CDC42BPB: variants seen among roughly 807,000 people sequenced by gnomAD.
CDC42BPB encodes serine/threonine-protein kinase MRCK beta.
Under a neutral mutation model 214.9 loss-of-function variants are expected in CDC42BPB, and 37 were observed. The ratio of observed to expected loss-of-function variants is 0.17; its 90% CI spans 0.13 to 0.23. CDC42BPB has a LOEUF of 0.23. Ranked by LOEUF, CDC42BPB falls within the 10% of genes least tolerant of loss-of-function variation. The pLI, the probability that CDC42BPB is intolerant of heterozygous loss-of-function variation, is 1.00. For missense variants in CDC42BPB, 1,694 were observed against 2,227.0 expected, an observed-to-expected ratio of 0.76 and a Z score of 4.82; for synonymous variants, 931 against 884.0, an observed-to-expected ratio of 1.05 and a Z score of -0.94.
intron 1 of CDC42BPB, among the ~76,000 whole-genome samples, chr14:103,034,643 A>T (rs1887566590): frequency 6.6e-6 from 1 of 151,994 alleles, no homozygotes; most frequent in Admixed American, 6.6e-5. Context: ...ACATGGGGAA[A>T]CCCCATCTCT....
chr14:103,011,027 C>T (rs1566901619), intron 2 of CDC42BPB, among the ~76,000 whole-genome samples: 1 of 152,156 alleles, frequency 6.6e-6, no homozygotes, highest in African/African-American at 2.4e-5. Context: ...GAGACTCCAT[C>T]TCAAAAAACA....
Position 102,954,629 on chromosome 14 carries a change from C to T in CDC42BPB, c.2961G>A (p.Met987Ile), listed in dbSNP as rs1445844152. The T allele has an allele frequency of 1.9e-6, 3 of 1,613,880 alleles. No individual in the cohort carries two copies. Among genetic ancestry groups the T allele is most frequent in the African/African-American group, 1.3e-5 (1 of 74,920 alleles). The change falls in exon 22 of 37, where the codon ATG becomes ATA. Residue 987 changes from methionine (M) to isoleucine (I), a missense_variant. By Grantham distance (10) the Met-to-Ile change is conservative. Transcript: ENST00000361246. Reference protein sequence around the residue: ...QAPKPEASPSMSVAASEQQED... With the variant: ...QAPKPEASPSISVAASEQQED... ...CCTGCTGCTCTGATGCAGCCACAGA[C>T]ATCGACGGGGACGCTTCTGGCTTCG...
chr14:102,952,385 T>A (rs1031604256), intron 24 of CDC42BPB, 113 bp downstream of exon 24: 7 of 648,952 alleles, frequency 1.1e-5, no homozygotes, highest in Admixed American at 1.0e-4. Context: ...CCAATGACAT[T>A]TCACTTTAGT....
At chr14:102,981,047 T>C (rs1391533631) in intron 7 of CDC42BPB, 26 bp from the exon 8 acceptor site, 1 of 1,613,472 alleles carries the variant, frequency 6.2e-7, no homozygotes, top group Non-Finnish European at 8.5e-7. Flanking sequence ...AAAACACCGG[T>C]GGACAGGTGG....
chr14:102,986,432 C>A, intron 6 of CDC42BPB, 55 bp downstream of exon 6: 1 of 1,248,434 alleles, frequency 8.0e-7, no homozygotes. Context: ...AACTTCCCTT[C>A]TGACTATATG....
chr14:103,019,497 C>T (rs1886650680), intron 1 of CDC42BPB, among the ~76,000 whole-genome samples: 1 of 152,200 alleles, frequency 6.6e-6, no homozygotes, highest in African/African-American at 2.4e-5. Flanking sequence ...GGCTCTAAGG[C>T]AGGGTTGATC....
rs74082770 is a variant in CDC42BPB at position 103,045,484 on chromosome 14, T to C, written c.175+11515A>G. Among the ~76,000 whole-genome samples, 916 of 151,788 alleles carry C rather than the reference T, an allele frequency of 6.0e-3. 12 individuals carry two copies. Among genetic ancestry groups the C allele is most frequent in the African/African-American group, 0.021 (875 of 41,390 alleles). On this transcript the variant is annotated intron_variant, in intron 1 of 36. Coordinates refer to ENST00000361246, the MANE Select transcript of CDC42BPB (RefSeq NM_006035.4). Reference sequence around the variant, plus strand: ...TCCCAGCCCCGAGGAGCAGGCGCTGTCCAGCCACCCGAGGAGCAGGCGCTG... The same window carrying C: ...TCCCAGCCCCGAGGAGCAGGCGCTGCCCAGCCACCCGAGGAGCAGGCGCTG...
At chr14:103,052,962 C>T (rs927479184) in intron 1 of CDC42BPB, among the ~76,000 whole-genome samples, 1 of 152,222 alleles carries the variant, frequency 6.6e-6, no homozygotes, top group African/African-American at 2.4e-5. Context: ...ACTGGGTTGT[C>T]CGTATTTGTT....
rs1026302706 is a variant in CDC42BPB, at chr14:102,983,863, G to C, written c.691-107C>G. Reference sequence around the variant, plus strand: ...GGAGGCAGAAAATGAAATAATCATAGAATAAAACTGATGAATGATCGTGTT... The same window carrying C: ...GGAGGCAGAAAATGAAATAATCATACAATAAAACTGATGAATGATCGTGTT... On this transcript the variant is annotated intron_variant, in intron 6 of 36. Transcript: ENST00000361246. 4 of 1,472,628 alleles carry C rather than the reference G, an allele frequency of 2.7e-6. No individual in the cohort carries two copies. In the South Asian group the frequency reaches 4.1e-5, roughly 15 times the overall value. 91.2% of individuals were successfully genotyped at this position (1,472,628 alleles called of 1,614,324 possible). A position where few individuals can be genotyped will look rare whatever the true frequency, so the allele number is the denominator to read the frequency against.
chr14:103,024,251 C>T (rs1365969283), intron 1 of CDC42BPB, among the ~76,000 whole-genome samples: 1 of 152,160 alleles, frequency 6.6e-6, no homozygotes, highest in East Asian at 1.9e-4. Context: ...CAGAAAGGAG[C>T]CCCAATGCTC....
At chr14:103,048,530 T>TAAAAAA (rs1262301665) in intron 1 of CDC42BPB, among the ~76,000 whole-genome samples, 1 of 5,708 alleles carries the variant, frequency 1.8e-4, no homozygotes, top group Non-Finnish European at 4.2e-4. Flanking sequence ...CTACTAAAAA[T>TAAAAAA]ACAAAAAAAA....
chr14:102,934,054 A>G (rs1891520068), intron 36 of CDC42BPB: 7 of 1,325,294 alleles, frequency 5.3e-6, no homozygotes, highest in East Asian at 3.2e-5. Flanking sequence ...ATCCCACTCA[A>G]AAATAACATG....
chr14:102,946,222 A>G (rs921256700), intron 28 of CDC42BPB, among the ~76,000 whole-genome samples: 1 of 151,454 alleles, frequency 6.6e-6, no homozygotes, highest in East Asian at 1.9e-4. Context: ...ACAGGGTTTC[A>G]CCGTGTTAGC....
At chr14:102,934,747 C>T (rs1487202820) in intron 36 of CDC42BPB, among the ~76,000 whole-genome samples, 4 of 151,542 alleles carry the variant, frequency 2.6e-5, no homozygotes, top group Admixed American at 1.3e-4. Flanking sequence ...TGCGGTGGCT[C>T]ACACCTGTAA....
intron 5 of CDC42BPB, among the ~76,000 whole-genome samples, chr14:102,989,458 A>AT (rs1481365516): frequency 6.6e-6 from 1 of 152,248 alleles, no homozygotes; most frequent in African/African-American, 2.4e-5. Context: ...AAGGGTATTT[A>AT]TTTCTACATT....
At chr14:102,939,534 C>T in intron 34 of CDC42BPB, 76 bp downstream of exon 34, 1 of 1,087,298 alleles carries the variant, frequency 9.2e-7, no homozygotes, top group Non-Finnish European at 1.4e-6. Flanking sequence ...TTGGGACAGT[C>T]TCAGCCAGCA....
chr14:103,003,797 G>A (rs902546031), intron 4 of CDC42BPB, 131 bp downstream of exon 4: 11 of 584,294 alleles, frequency 1.9e-5, no homozygotes, highest in African/African-American at 1.5e-4. Flanking sequence ...AACAAGCCCC[G>A]CCGTTTTATC....
rs763654365 is a variant in CDC42BPB at position 102,976,052 on chromosome 14, G to A, written c.1221-3C>T. 4.4e-6 allele frequency: 7 copies of A among 1,606,934 alleles called. No individual in the cohort carries two copies. The highest frequency in any genetic ancestry group is 6.0e-6 in the Non-Finnish European group (7 of 1,174,510). On this transcript the variant is annotated splice_polypyrimidine_tract_variant and splice_region_variant and intron_variant, in intron 9 of 36. Transcript: ENST00000361246. ...GAGAGCCTCGATCAGAAAAACAGCT[G>A]GGAAACCAAGCAACAGGTTTTTTTG...
At chr14:102,980,664 C>G (rs1213352563) in intron 8 of CDC42BPB, 109 bp downstream of exon 8, 13 of 1,101,084 alleles carry the variant, frequency 1.2e-5, no homozygotes, top group African/African-American at 1.6e-5. Context: ...TCTTAAGTGC[C>G]AAATTTCACA....
Sources: allele counts gnomAD v4.1 joint callset (sites outside exome capture counted in the v4.1 genomes callset), GRCh38; gene constraint gnomAD v4.1.1; transcripts MANE v1.5; gene names NCBI Gene and HGNC (gene_info 2026-07-23, HGNC 2026-07-21).